The following GALNT13 variants were observed in gnomAD, a reference collection of about 807,000 sequenced individuals.
GALNT13 encodes the protein polypeptide N-acetylgalactosaminyltransferase 13, also known as UDP-GalNAc:polypeptide N-acetylgalactosaminyltransferase 13.
GALNT13 carries 28 observed loss-of-function variants against 64.2 expected under a neutral mutation model. The ratio of observed to expected loss-of-function variants is 0.44; its 90% CI spans 0.32 to 0.60. The LOEUF (loss-of-function observed/expected upper bound fraction) is 0.60, where lower values mean the gene tolerates loss of function less well. Among genes scored for constraint, GALNT13 ranks in the 20% least tolerant of loss-of-function variants. The pLI is 0.05. For missense variants in GALNT13, 577 were observed against 669.8 expected (o/e 0.86, Z 1.53); for synonymous variants, 214 against 224.6 (o/e 0.95, Z 0.42).
intron 9 of GALNT13, among the ~76,000 whole-genome samples, chr2:154,389,163 T>C (rs1050975932): frequency 2.0e-5 from 3 of 152,140 alleles, no homozygotes; most frequent in African/African-American, 7.2e-5. Flanking sequence ...TGAGATGTGG[T>C]CTCGCTCTGT....
At chr2:154,085,362 T>A (rs796584137) in intron 3 of GALNT13, among the ~76,000 whole-genome samples, 13 of 152,120 alleles carry the variant, frequency 8.5e-5, no homozygotes, top group African/African-American at 3.1e-4. Context: ...CTTTTCTTTG[T>A]TCATGGAAAC....
the GALNT13 span, among the ~76,000 whole-genome samples, chr2:153,673,489 C>G: frequency 6.6e-6 from 1 of 152,112 alleles, no homozygotes; most frequent in African/African-American, 2.4e-5. Flanking sequence ...GCAGAAAAAG[C>G]CTTTGTCAAA....
chr2:153,878,939 G>A (rs571990152), intron 1 of GALNT13, among the ~76,000 whole-genome samples: 7 of 152,208 alleles, frequency 4.6e-5, no homozygotes, highest in African/African-American at 1.7e-4. Flanking sequence ...ACCAAAGCAG[G>A]TTGTAAATCC....
chr2:153,540,015 G>A, the GALNT13 span, among the ~76,000 whole-genome samples: 406 of 152,316 alleles, frequency 2.7e-3, 3 homozygotes, highest in African/African-American at 9.3e-3. Flanking sequence ...CAAGTAATGA[G>A]GAGCCAAATG....
chr2:153,438,613 C>T, the GALNT13 span, among the ~76,000 whole-genome samples: 13 of 152,186 alleles, frequency 8.5e-5, no homozygotes, highest in African/African-American at 1.2e-4. Context: ...TCCAGTTGAT[C>T]GCATTGGCTA....
chr2:153,471,249 T>A, the GALNT13 span, among the ~76,000 whole-genome samples: 1 of 152,190 alleles, frequency 6.6e-6, no homozygotes, highest in African/African-American at 2.4e-5. Context: ...ATTCCATGAT[T>A]CTTTGCACCA....
the GALNT13 span, among the ~76,000 whole-genome samples, chr2:153,538,212 CAA>C: frequency 6.6e-6 from 1 of 151,176 alleles, no homozygotes. Flanking sequence ...TATGCTTTAG[CAA>C]AGAGATTGCT....
chr2:153,473,873 A>G, the GALNT13 span, among the ~76,000 whole-genome samples: 4 of 152,186 alleles, frequency 2.6e-5, no homozygotes, highest in Non-Finnish European at 5.9e-5. Flanking sequence ...TAGTTTCTAT[A>G]AACAACAGTG....
At chr2:153,251,557 T>G in the GALNT13 span, among the ~76,000 whole-genome samples, 1 of 152,018 alleles carries the variant, frequency 6.6e-6, no homozygotes, top group Non-Finnish European at 1.5e-5. Context: ...GCCATGCTGG[T>G]GCGCTGCACC....
At chr2:153,488,932 G>C in the GALNT13 span, among the ~76,000 whole-genome samples, 1 of 152,146 alleles carries the variant, frequency 6.6e-6, no homozygotes, top group Non-Finnish European at 1.5e-5. Context: ...TGCTGTGTGA[G>C]GACATAGCAA....
At chr2:153,486,656 T>A in the GALNT13 span, among the ~76,000 whole-genome samples, 5 of 152,176 alleles carry the variant, frequency 3.3e-5, no homozygotes, top group Admixed American at 3.3e-4. Context: ...AGAAAGCATG[T>A]AATAACTCAC....
the GALNT13 span, among the ~76,000 whole-genome samples, chr2:153,733,332 G>A: frequency 6.6e-6 from 1 of 152,096 alleles, no homozygotes; most frequent in Non-Finnish European, 1.5e-5. Flanking sequence ...ACTGAAGTTA[G>A]CCTGCCCTTC....
chr2:153,115,634 T>G, the GALNT13 span, among the ~76,000 whole-genome samples: 1 of 152,182 alleles, frequency 6.6e-6, no homozygotes, highest in Admixed American at 6.6e-5. Context: ...GGATTGTGTC[T>G]GTGTCTATCT....
intron 1 of GALNT13, among the ~76,000 whole-genome samples, chr2:153,882,932 C>G (rs1391068610): frequency 1.3e-5 from 2 of 151,280 alleles, no homozygotes; most frequent in Admixed American, 1.3e-4. Flanking sequence ...TTTAGAACGT[C>G]TGCAACATGA....
chr2:154,148,160 G>A (rs1419672277), intron 4 of GALNT13, among the ~76,000 whole-genome samples: 1 of 151,840 alleles, frequency 6.6e-6, no homozygotes, highest in Non-Finnish European at 1.5e-5. Context: ...CCACCTATGA[G>A]TGAGAATATG....
At chr2:153,812,192 G>T in the GALNT13 span, among the ~76,000 whole-genome samples, 1 of 152,114 alleles carries the variant, frequency 6.6e-6, no homozygotes, top group Non-Finnish European at 1.5e-5. Context: ...GAACATTTTT[G>T]TGTGTCTGGC....
intron 4 of GALNT13, among the ~76,000 whole-genome samples, chr2:154,190,082 C>T (rs1156824258): frequency 6.6e-6 from 1 of 152,142 alleles, no homozygotes; most frequent in Non-Finnish European, 1.5e-5. Flanking sequence ...CAATGAAATT[C>T]CCTCAAATGC....
At chr2:153,618,788 T>C in the GALNT13 span, among the ~76,000 whole-genome samples, 1 of 151,976 alleles carries the variant, frequency 6.6e-6, no homozygotes. Flanking sequence ...TTTGTCTCTT[T>C]TTATGGTTTT....
intron 1 of GALNT13, among the ~76,000 whole-genome samples, chr2:153,872,619 CG>C (rs1218155488): frequency 0.082 from 1,341 of 16,318 alleles, 204 homozygotes; most frequent in African/African-American, 0.23. Flanking sequence ...TTGTTGGTGG[CG>C]GGGGGGGGGG....
Sources: gnomAD v4.1 joint callset for allele counts (sites outside exome capture counted in the v4.1 genomes callset) on GRCh38, gnomAD v4.1.1 for gene constraint, MANE v1.5 for transcripts, NCBI Gene and HGNC (gene_info 2026-07-23, HGNC 2026-07-21) for gene names.